Variants in GCA observed in about 807,000 individuals in gnomAD.
GCA encodes grancalcin, EF-hand calcium-binding protein.
GCA carries 30 observed loss-of-function variants against 32.6 expected under a neutral mutation model. The observed-to-expected ratio is 0.92, with a 90% CI of 0.69 to 1.25. GCA has a LOEUF of 1.25. Among genes scored for constraint, GCA ranks in the 50% most tolerant of loss-of-function variants. The pLI is 0.00. For synonymous variants in GCA, 102 were observed against 84.6 expected, an observed-to-expected ratio of 1.21 and a Z score of -1.13; for missense variants, 291 against 266.8, an observed-to-expected ratio of 1.09 and a Z score of -0.63.
chr2:162,349,702 T>C (rs886429237), intron 2 of GCA, among the ~76,000 whole-genome samples: 2 of 152,136 alleles, frequency 1.3e-5, no homozygotes, highest in Middle Eastern at 3.4e-3. Context: ...AAAGAGGAGA[T>C]TTGTAAATTG....
At chr2:162,323,375 G>A (rs1041306932) in intron 1 of GCA, among the ~76,000 whole-genome samples, 1 of 151,804 alleles carries the variant, frequency 6.6e-6, no homozygotes, top group Non-Finnish European at 1.5e-5. Flanking sequence ...TCACTCTAAT[G>A]GTAGTTTCTT....
chr2:162,344,593 T>C lies in GCA; in HGVS notation c.27+318T>C, dbSNP rs78799222. ...CCCTCTTCTTGTTCCAGTAATCGTT[T>C]GTGGTACTTCCCTCCCCCGCCCCCC... On this transcript the variant is annotated intron_variant, in intron 1 of 7. Transcript: ENST00000437150. The C allele has an allele frequency of 8.2e-3, 3,755 of 458,154 alleles. 119 individuals are homozygous for C. The highest frequency in any genetic ancestry group is 0.067 in the African/African-American group (3,405 of 50,584). 28.4% of individuals were successfully genotyped at this position (458,154 alleles called of 1,614,324 possible). A position where few individuals can be genotyped will look rare whatever the true frequency, so the allele number is the denominator to read the frequency against.
chr2:162,325,500 T>G (rs1261810535), intron 1 of GCA, among the ~76,000 whole-genome samples: 2 of 152,200 alleles, frequency 1.3e-5, no homozygotes, highest in Non-Finnish European at 1.5e-5. Context: ...GTGTGTTTTA[T>G]CAAGGCCTCT....
At chr2:162,345,595 C>T (rs1576280810) in intron 1 of GCA, among the ~76,000 whole-genome samples, 1 of 152,108 alleles carries the variant, frequency 6.6e-6, no homozygotes, top group Admixed American at 6.5e-5. Context: ...ATAAAGAGAA[C>T]GTCTGTATGT....
chr2:162,368,314 T>C (rs1685820712), intron 4 of GCA, among the ~76,000 whole-genome samples: 1 of 152,006 alleles, frequency 6.6e-6, no homozygotes, highest in Non-Finnish European at 1.5e-5. Flanking sequence ...TTGATTTTCA[T>C]AGATAAGTAA....
intron 1 of GCA, among the ~76,000 whole-genome samples, chr2:162,338,270 C>T (rs896495847): frequency 3.0e-4 from 46 of 152,128 alleles, no homozygotes; most frequent in African/African-American, 1.0e-3. Context: ...ATACACAAAA[C>T]ACCTGAGGAT....
intron 2 of GCA, among the ~76,000 whole-genome samples, chr2:162,349,818 C>A (rs970069621): frequency 6.6e-6 from 1 of 152,160 alleles, no homozygotes; most frequent in Non-Finnish European, 1.5e-5. Flanking sequence ...AACAGAAATT[C>A]ACTCTAGAGT....
intron 3 of GCA, among the ~76,000 whole-genome samples, chr2:162,354,671 T>G (rs935776809): frequency 1.3e-5 from 2 of 152,228 alleles, no homozygotes; most frequent in African/African-American, 4.8e-5. Flanking sequence ...CAAGGGTTGC[T>G]TCTCAGCTTT....
At chr2:162,319,027 GTGAAC>G (rs1683573914), upstream of GCA, 1 of 397,740 alleles carries the variant, frequency 2.5e-6, no homozygotes, top group Non-Finnish European at 5.1e-6. Context: ...AGACCCGGAC[GTGAAC>G]AGGGAGTTAC....
chr2:162,335,265 T>A (rs1023597682), intron 1 of GCA, among the ~76,000 whole-genome samples: 1 of 151,670 alleles, frequency 6.6e-6, no homozygotes. Context: ...TACAAAAAAA[T>A]TTAGCCAGAC....
chr2:162,359,543 A>G lies in GCA; in HGVS notation c.618A>G (p.Ile206Met), dbSNP rs368854743. 1.2e-5 allele frequency: 18 copies of G among 1,526,464 alleles called. No individual in the cohort carries two copies. In the East Asian group the frequency reaches 2.3e-4, roughly 19 times the overall value. 94.6% of individuals were successfully genotyped at this position (1,526,464 alleles called of 1,614,324 possible). A position where few individuals can be genotyped will look rare whatever the true frequency, so the allele number is the denominator to read the frequency against. The change falls in exon 7 of 8, where the codon ATA (isoleucine) becomes ATG (methionine). Residue 206 changes from isoleucine to methionine, a missense_variant. Transcript: ENST00000437150. ...TGCAACAAGGGTCTGCGAATTTCAT[A>G]TATGACGATGTGAGTATCCTGCTTT... ...DHLQQGSANF[I>M]YDDFLQGTMA...
downstream of GCA, among the ~76,000 whole-genome samples, chr2:162,363,912 C>G (rs75343429): frequency 0.022 from 3,402 of 151,570 alleles, 112 homozygotes; most frequent in African/African-American, 0.078. Flanking sequence ...GGCAACACTT[C>G]TACATCACTA....
chr2:162,324,555 G>A (rs377749823), intron 1 of GCA, among the ~76,000 whole-genome samples: 8 of 152,290 alleles, frequency 5.3e-5, no homozygotes, highest in African/African-American at 1.9e-4. Context: ...AGCTGCCTCT[G>A]TGTCTGCCTG....
At chr2:162,322,240 C>T (rs1683697936) in intron 1 of GCA, among the ~76,000 whole-genome samples, 1 of 151,254 alleles carries the variant, frequency 6.6e-6, no homozygotes, top group Non-Finnish European at 1.5e-5. Context: ...ATGAAAGTCA[C>T]GTATCAATAG....
chr2:162,341,955 G>A (rs567541869), upstream of GCA, among the ~76,000 whole-genome samples: 2 of 152,204 alleles, frequency 1.3e-5, no homozygotes, highest in East Asian at 3.9e-4. Context: ...TGCCTAGTAC[G>A]TCGTATTCAC....
intron 1 of GCA, among the ~76,000 whole-genome samples, chr2:162,331,772 C>T (rs1473999746): frequency 3.3e-5 from 5 of 152,156 alleles, no homozygotes; most frequent in African/African-American, 1.2e-4. Flanking sequence ...CAGACTGAGA[C>T]AAACTGTATA....
chr2:162,339,709 A>G (rs895726357), upstream of GCA, among the ~76,000 whole-genome samples: 2 of 152,218 alleles, frequency 1.3e-5, no homozygotes, highest in African/African-American at 4.8e-5. Context: ...TGCACCAAGC[A>G]AAGGTCATGT....
Position 162,344,157 on chromosome 2 carries a change from G to C in GCA, c.-92G>C, listed in dbSNP as rs1558891880. On this transcript the variant is annotated 5_prime_UTR_variant, in exon 1 of 8. Coordinates refer to ENST00000437150, the MANE Select transcript of GCA (RefSeq NM_012198.5). ...AGTGCGCCTTTCAGCCTCACCTGCA[G>C]CTGCGCCTCCTTGCACCTGCGCCTG... The C allele has an allele frequency of 7.2e-7, 1 of 1,396,862 alleles. No individual in the cohort carries two copies. The highest frequency in any genetic ancestry group is 1.0e-6 in the Non-Finnish European group (1 of 986,926). 86.5% of individuals were successfully genotyped at this position (1,396,862 alleles called of 1,614,324 possible). A position where few individuals can be genotyped will look rare whatever the true frequency, so the allele number is the denominator to read the frequency against.
chr2:162,356,053 G>A (rs1351701080), intron 3 of GCA, among the ~76,000 whole-genome samples: 1 of 151,910 alleles, frequency 6.6e-6, no homozygotes, highest in Non-Finnish European at 1.5e-5. Flanking sequence ...TTTAATGCAA[G>A]TTTTGTGATC....
Sources: gnomAD v4.1 joint callset for allele counts (sites outside exome capture counted in the v4.1 genomes callset) on GRCh38, gnomAD v4.1.1 for gene constraint, MANE v1.5 for transcripts, NCBI Gene and HGNC (gene_info 2026-07-23, HGNC 2026-07-21) for gene names.